HHLA1: variants seen among roughly 807,000 people sequenced by gnomAD.
HHLA1 encodes HHLA1 neighbor of OC90, also known as HERV-H LTR-associating protein 1.
Under a neutral mutation model 69.9 loss-of-function variants are expected in HHLA1, and 72 were observed. That is an observed-to-expected ratio of 1.03 (90% confidence interval 0.85 to 1.25). HHLA1 has a LOEUF of 1.25. HHLA1 is among the 50% of genes most tolerant of loss of function. The probability of loss-of-function intolerance (pLI) is 0.00; values close to 1 mark genes in which losing one functional copy is unlikely to be tolerated. For synonymous variants in HHLA1, 252 were observed against 233.2 expected (o/e 1.08, Z -0.73); for missense variants, 685 against 642.2 (o/e 1.07, Z -0.72).
intron 15 of HHLA1, chr8:132,069,681 T>G (rs1458903297): frequency 6.6e-6 from 1 of 152,170 alleles, no homozygotes; most frequent in African/African-American, 2.4e-5. Flanking sequence ...TTTTGCCTGG[T>G]TACGTGACTT....
At chr8:132,072,411 CAAT>C (rs1057349084) in intron 14 of HHLA1, among the ~76,000 whole-genome samples, 37 of 151,812 alleles carry the variant, frequency 2.4e-4, no homozygotes, top group African/African-American at 8.5e-4. Context: ...ATGAAACAAA[CAAT>C]AAATAATAGC....
chr8:132,104,130 T>G lies in HHLA1; in HGVS notation c.117A>C (p.Gly39=). The change falls in exon 3 of 17, where the codon GGA becomes GGC. Residue 39 remains glycine (G), a synonymous_variant. Transcript: ENST00000414222. ...GIKGEAKKEK[G]MTFLPTTVSG... is the part of the protein sequence containing the mutation. ...TACCTGTTGTAGGTAAAAAGGTCAT[T>G]CCCTTCTCTTTCTTGGCTTCTCCTT... 6.4e-7 allele frequency: 1 copy of G among 1,551,258 alleles called. No individual in the cohort carries two copies. Among genetic ancestry groups the G allele is most frequent in the Non-Finnish European group, 8.7e-7 (1 of 1,146,588 alleles).
chr8:132,102,908 G>A (rs920674398), intron 3 of HHLA1, among the ~76,000 whole-genome samples: 3 of 151,742 alleles, frequency 2.0e-5, no homozygotes, highest in African/African-American at 7.3e-5. Context: ...CTAAACACCA[G>A]TGGAGCACAG....
At chr8:132,105,975 A>G (rs868087173) in intron 1 of HHLA1, among the ~76,000 whole-genome samples, 2 of 152,340 alleles carry the variant, frequency 1.3e-5, no homozygotes, top group Middle Eastern at 3.4e-3. Context: ...TCACCATGAT[A>G]GTTACAGTTG....
At chr8:132,075,162 C>T (rs567815232) in intron 14 of HHLA1, among the ~76,000 whole-genome samples, 1 of 152,178 alleles carries the variant, frequency 6.6e-6, no homozygotes, top group Non-Finnish European at 1.5e-5. Context: ...GGTTCATTCA[C>T]TATTCACTGC....
intron 10 of HHLA1, among the ~76,000 whole-genome samples, chr8:132,083,754 G>A (rs1433615550): frequency 6.6e-6 from 1 of 152,184 alleles, no homozygotes; most frequent in African/African-American, 2.4e-5. Flanking sequence ...TGCGGTTCGG[G>A]CGTTTGGAAG....
rs139703483 is a variant in HHLA1 at position 132,086,614 on chromosome 8, C to CGT, written c.676+1037_676+1038dup. ...AAGTGGGACAATTAATTGAGACTGG[C>CGT]GTGTGTGTGTGTTGAGGGGGGTGTG... On this transcript the variant is annotated intron_variant, in intron 10 of 16. Coordinates refer to ENST00000414222, the MANE Select transcript of HHLA1 (RefSeq NM_001145095.3). 6.4e-3 allele frequency among the ~76,000 whole-genome samples: 980 copies of CGT among 152,112 alleles called. 9 individuals are homozygous for CGT. The highest frequency in any genetic ancestry group is 0.022 in the African/African-American group (911 of 41,484).
chr8:132,105,288 T>C lies in HHLA1; in HGVS notation c.-21-2A>G. 1 of 1,544,336 alleles carries C rather than the reference T, an allele frequency of 6.5e-7. No individual in the cohort carries two copies. The highest frequency in any genetic ancestry group is 8.8e-7 in the Non-Finnish European group (1 of 1,140,092). On this transcript the variant is annotated splice_acceptor_variant, in intron 1 of 16. Coordinates refer to ENST00000414222, the MANE Select transcript of HHLA1 (RefSeq NM_001145095.3). LOFTEE classifies it low-confidence loss of function (5UTR_SPLICE). ...CATGCTTGTGATACTCTGGCCCACC[T>C]GGAATGAAGCAAGCAAACACTTAGG... is the stretch of plus-strand genomic sequence containing the variant.
In HHLA1 at chr8:132,079,890, G is replaced by C. The variant is rs549097044; in HGVS notation, c.753C>G (p.Pro251=). The change falls in exon 11 of 17, where the codon CCC becomes CCG. Residue 251 remains proline (P), a synonymous_variant. Transcript: ENST00000414222. ...AGGGTGTGCTCTGGGTCCAGTGTCCGGGGCTTGTACTTGGTAGTGTTTTCT... is the reference window on the plus strand; with the variant it reads ...AGGGTGTGCTCTGGGTCCAGTGTCCCGGGCTTGTACTTGGTAGTGTTTTCT... ...KSQKTLPSTS[P]GHWTQSTPWA... The C allele has an allele frequency of 3.9e-6, 6 of 1,552,068 alleles. No individual in the cohort carries two copies. The highest frequency in any genetic ancestry group is 1.4e-5 in the African/African-American group (1 of 73,034).
intron 14 of HHLA1, among the ~76,000 whole-genome samples, chr8:132,072,575 C>G (rs1823565260): frequency 1.3e-5 from 2 of 152,146 alleles, no homozygotes; most frequent in Non-Finnish European, 2.9e-5. Context: ...GGTTATATTA[C>G]AATATTACTA....
At chr8:132,097,199 C>G (rs1394896902) in intron 5 of HHLA1, among the ~76,000 whole-genome samples, 12 of 152,090 alleles carry the variant, frequency 7.9e-5, no homozygotes, top group Admixed American at 7.9e-4. Flanking sequence ...TGTGAATACT[C>G]CAGTACTCAG....
chr8:132,109,655 C>T (rs988779890), intron 1 of HHLA1, among the ~76,000 whole-genome samples: 2 of 152,126 alleles, frequency 1.3e-5, no homozygotes, highest in South Asian at 2.1e-4. Context: ...AGGGTTCTGA[C>T]GTGCAGCCCC....
At chr8:132,095,889 A>C in intron 5 of HHLA1, 103 bp from the exon 6 acceptor site, 2 of 622,600 alleles carry the variant, frequency 3.2e-6, no homozygotes, top group African/African-American at 1.8e-5. Context: ...CAATAAAGAA[A>C]CCAATGATGA....
intron 3 of HHLA1, among the ~76,000 whole-genome samples, chr8:132,102,194 T>A (rs145243042): frequency 2.0e-5 from 3 of 152,376 alleles, no homozygotes; most frequent in East Asian, 3.9e-4. Context: ...TAAGACCGAA[T>A]AATATTGCAT....
chr8:132,080,324 G>A (rs1470643735), intron 10 of HHLA1: 1 of 360,312 alleles, frequency 2.8e-6, no homozygotes, highest in East Asian at 7.3e-5. Context: ...GGCGGGCTGA[G>A]TCCGAAAAGA....
At chr8:132,100,513 C>G (rs2469494) in intron 3 of HHLA1, among the ~76,000 whole-genome samples, 49,605 of 152,044 alleles carry the variant, frequency 0.33, 8,336 homozygotes, top group African/African-American at 0.39. Flanking sequence ...TAGAGCAGTG[C>G]CCAAAATATT....
At chr8:132,095,062 T>A (rs904041009) in intron 7 of HHLA1, among the ~76,000 whole-genome samples, 1 of 152,232 alleles carries the variant, frequency 6.6e-6, no homozygotes, top group Non-Finnish European at 1.5e-5. Context: ...TCCAATCTTC[T>A]TTTCAAAGGG....
chr8:132,092,540 T>A (rs1823963157), intron 7 of HHLA1, among the ~76,000 whole-genome samples: 1 of 152,022 alleles, frequency 6.6e-6, no homozygotes, highest in South Asian at 2.1e-4. Context: ...TGATAGTGAG[T>A]GAGTTATTGT....
intron 5 of HHLA1, among the ~76,000 whole-genome samples, chr8:132,096,227 T>C (rs950853249): frequency 1.3e-5 from 2 of 152,322 alleles, no homozygotes; most frequent in South Asian, 2.1e-4. Flanking sequence ...CGGCTGCCTG[T>C]GTCCCTTGGC....
Sources: gnomAD v4.1 joint callset for allele counts (sites outside exome capture counted in the v4.1 genomes callset) on GRCh38, gnomAD v4.1.1 for gene constraint, MANE v1.5 for transcripts, NCBI Gene and HGNC (gene_info 2026-07-23, HGNC 2026-07-21) for gene names.